Variants in SAG observed in about 807,000 individuals in gnomAD.
The protein encoded by SAG is S-antigen visual arrestin.
Under a neutral mutation model 55.0 loss-of-function variants are expected in SAG, and 45 were observed. The observed-to-expected ratio is 0.82, with a 90% CI of 0.64 to 1.05. The LOEUF (loss-of-function observed/expected upper bound fraction) is 1.05. SAG is among the 50% of genes least tolerant of loss of function. The pLI, the probability that SAG is intolerant of heterozygous loss-of-function variation, is 0.00. For synonymous variants in SAG, 189 were observed against 197.4 expected (o/e 0.96, Z 0.36); for missense variants, 455 against 512.1 (o/e 0.89, Z 1.08).
chr2:233,323,006 GT>G lies in SAG; in HGVS notation c.435+3del. On this transcript the variant is annotated splice_donor_variant, in intron 6 of 15. Transcript: ENST00000409110. LOFTEE classifies it high-confidence loss of function. Reference sequence around the variant, plus strand: ...GCCAGCTCCACAAGATTCAGGGAAGGTTAGTTCAAGAAGAAATGCCATGGTT... The same window carrying G: ...GCCAGCTCCACAAGATTCAGGGAAGGTAGTTCAAGAAGAAATGCCATGGTT... 2 of 1,553,202 alleles carry G rather than the reference GT, an allele frequency of 1.3e-6. No homozygotes were observed. Among genetic ancestry groups the G allele is most frequent in the Non-Finnish European group, 8.8e-7 (1 of 1,138,762 alleles).
At position 233,340,685 on chromosome 2, in the gene SAG, G is replaced by T. The variant is rs1036734; in HGVS notation, c.1046+207G>T. On this transcript the variant is annotated intron_variant, in intron 13 of 15. Transcript: ENST00000409110. This position sits in a 1 kb window ranked among gnomAD's most constrained non-coding sequence, Gnocchi z 4.2. ...CCAGATTTCTTTGGGACCACAGCTAGACCTATGCCTGGGTAAGGACACACA... is the reference window on the plus strand; with the variant it reads ...CCAGATTTCTTTGGGACCACAGCTATACCTATGCCTGGGTAAGGACACACA... 6.6e-6 allele frequency among the ~76,000 whole-genome samples: 1 copy of T among 152,150 alleles called. No individual in the cohort carries two copies. Among genetic ancestry groups the T allele is most frequent in the African/African-American group, 2.4e-5 (1 of 41,414 alleles).
At position 233,321,787 on chromosome 2, in the gene SAG, T is replaced by C. The variant is rs575428489; in HGVS notation, c.375+964T>C. ...GATGTTATTCTATGTTTATCACAACTGTTTTACAAAATCACATTTACAAAA... is the reference window on the plus strand; with the variant it reads ...GATGTTATTCTATGTTTATCACAACCGTTTTACAAAATCACATTTACAAAA... On this transcript the variant is annotated intron_variant, in intron 5 of 15. Coordinates refer to ENST00000409110, the MANE Select transcript of SAG (RefSeq NM_000541.5). Among the ~76,000 whole-genome samples the C allele has an allele frequency of 2.0e-5, 3 of 152,324 alleles. No homozygotes were observed. In the South Asian group the frequency reaches 6.2e-4, roughly 32 times the overall value.
chr2:233,329,089 C>T (rs1700664741), intron 8 of SAG: 1 of 236,358 alleles, frequency 4.2e-6, no homozygotes, highest in African/African-American at 2.3e-5. Context: ...CCAAGGCTGG[C>T]TCTGGTTCCT....
At chr2:233,311,306 G>A (rs80271431) in intron 2 of SAG, among the ~76,000 whole-genome samples, 4,975 of 152,198 alleles carry the variant, frequency 0.033, 108 homozygotes, top group African/African-American at 0.045. Context: ...TGCTCCTGGC[G>A]TCTCACCCAC....
rs537976945 is a variant in SAG, at chr2:233,328,054, C to T, written c.513-424C>T. Reference sequence around the variant, plus strand: ...TAAACAAGATTTCCGCCTGGCCCTTCGCACTGTCTCCTTGTGCCCCATGTA... The same window carrying T: ...TAAACAAGATTTCCGCCTGGCCCTTTGCACTGTCTCCTTGTGCCCCATGTA... On this transcript the variant is annotated intron_variant, in intron 7 of 15. Coordinates refer to ENST00000409110, the MANE Select transcript of SAG (RefSeq NM_000541.5). 47 of 158,220 alleles carry T rather than the reference C, an allele frequency of 3.0e-4. No homozygotes were observed. The South Asian group carries it at 9.0e-3, about 30-fold the overall frequency. The allele number at this position is 158,220 out of a possible 1,614,324, so 9.8% of individuals were successfully genotyped here.
intron 11 of SAG, chr2:233,338,395 G>A: frequency 2.6e-6 from 1 of 390,906 alleles, no homozygotes; most frequent in South Asian, 3.9e-5. Context: ...ATGACCGGGG[G>A]ATGTGCATCT....
At chr2:233,321,608 G>A (rs1700382107) in intron 5 of SAG, among the ~76,000 whole-genome samples, 1 of 152,242 alleles carries the variant, frequency 6.6e-6, no homozygotes, top group South Asian at 2.1e-4. Context: ...CTGGGGGGTT[G>A]GAGGATGGGG....
At position 233,316,060 on chromosome 2, in the gene SAG, C is replaced by A. The variant is rs1301841921; in HGVS notation, c.76-15C>A. The stretch of plus-strand genomic sequence containing the variant: ...CATTCTTTGGCCCTTAGACCCACAC[C>A]TGTTCTTCTTGCAGGTGACCATCTA... On this transcript the variant is annotated splice_polypyrimidine_tract_variant and intron_variant, in intron 2 of 15. Coordinates refer to ENST00000409110, the MANE Select transcript of SAG (RefSeq NM_000541.5). 6.5e-7 allele frequency: 1 copy of A among 1,548,748 alleles called. No individual in the cohort carries two copies. Among genetic ancestry groups the A allele is most frequent in the Non-Finnish European group, 8.8e-7 (1 of 1,130,200 alleles).
At chr2:233,325,990 T>C (rs1700542125) in intron 6 of SAG, among the ~76,000 whole-genome samples, 1 of 151,764 alleles carries the variant, frequency 6.6e-6, no homozygotes, top group African/African-American at 2.4e-5. Flanking sequence ...AATAAATCCG[T>C]GCCTCATATG....
intron 2 of SAG, among the ~76,000 whole-genome samples, chr2:233,314,819 G>A (rs1275122038): frequency 6.6e-6 from 1 of 152,202 alleles, no homozygotes; most frequent in African/African-American, 2.4e-5. Flanking sequence ...TGAAAGGGGA[G>A]CGTATAGGAG....
At chr2:233,315,582 C>A (rs1266123063) in intron 2 of SAG, among the ~76,000 whole-genome samples, 1 of 151,572 alleles carries the variant, frequency 6.6e-6, no homozygotes, top group East Asian at 1.9e-4. Context: ...GGTGAGCCAC[C>A]ACACCCAGCC....
intron 11 of SAG, chr2:233,338,461 G>A: frequency 3.4e-6 from 2 of 579,714 alleles, no homozygotes; most frequent in South Asian, 2.1e-5. Flanking sequence ...GGAACTTCTA[G>A]AGGAGAAGAC....
rs1701055666 is a variant in SAG at position 233,340,199 on chromosome 2, C to T, written c.1023-256C>T. 6.6e-6 allele frequency among the ~76,000 whole-genome samples: 1 copy of T among 151,614 alleles called. No individual in the cohort carries two copies. The highest frequency in any genetic ancestry group is 1.5e-5 in the Non-Finnish European group (1 of 67,898). Reference sequence around the variant, plus strand: ...CTGGAACTCATGACCTCAAGTGATCCGCCCACCTCGGCCTCCCAAAGTGCT... The same window carrying T: ...CTGGAACTCATGACCTCAAGTGATCTGCCCACCTCGGCCTCCCAAAGTGCT... On this transcript the variant is annotated intron_variant, in intron 12 of 15. Coordinates refer to ENST00000409110, the MANE Select transcript of SAG (RefSeq NM_000541.5). This position sits in a 1 kb window ranked among gnomAD's most constrained non-coding sequence, Gnocchi z 4.2.
chr2:233,337,991 T>C (rs1440458526), intron 11 of SAG, among the ~76,000 whole-genome samples: 1 of 152,198 alleles, frequency 6.6e-6, no homozygotes, highest in Non-Finnish European at 1.5e-5. Flanking sequence ...CATTGCACTG[T>C]CTTTGGGGCA....
In SAG at chr2:233,319,907, G is replaced by A. The variant is rs537717126; in HGVS notation, c.182-723G>A. On this transcript the variant is annotated intron_variant, in intron 4 of 15. Coordinates refer to ENST00000409110, the MANE Select transcript of SAG (RefSeq NM_000541.5). The surrounding 1 kb of genome is among the most constrained non-coding windows in gnomAD (Gnocchi z 4.4). ...AAAATTCTCAACCAACAGCTACCAC[G>A]CACTTGGCGGGGCCGCCTCTCGTGC... 1.8e-4 allele frequency: 181 copies of A among 985,636 alleles called. No homozygotes were observed. The African/African-American group carries it at 2.7e-3, about 15-fold the overall frequency. 61.1% of individuals were successfully genotyped at this position (985,636 alleles called of 1,614,324 possible).
intron 11 of SAG, among the ~76,000 whole-genome samples, chr2:233,337,055 C>T (rs1700955831): frequency 6.6e-6 from 1 of 151,526 alleles, no homozygotes; most frequent in Admixed American, 6.6e-5. Context: ...ATGATCATGC[C>T]ATTGCATTCC....
chr2:233,338,600 G>A (rs558922217), intron 11 of SAG, 76 bp from the exon 12 acceptor site: 104 of 1,306,480 alleles, frequency 8.0e-5, no homozygotes, highest in Non-Finnish European at 9.5e-5. Flanking sequence ...TGCCTGCCTC[G>A]AATGGAAAGG....
intron 5 of SAG, among the ~76,000 whole-genome samples, chr2:233,321,362 G>C (rs1418083827): frequency 1.3e-5 from 2 of 152,156 alleles, no homozygotes; most frequent in Non-Finnish European, 2.9e-5. Context: ...GCTACCATCT[G>C]CTTTACGAGC....
At chr2:233,316,436 C>G (rs1700218898) in intron 3 of SAG, among the ~76,000 whole-genome samples, 1 of 152,044 alleles carries the variant, frequency 6.6e-6, no homozygotes, top group African/African-American at 2.4e-5. Flanking sequence ...CTCAGCCTCC[C>G]AAATAGCTGG....
Sources: allele counts gnomAD v4.1 joint callset (sites outside exome capture counted in the v4.1 genomes callset), GRCh38; gene constraint gnomAD v4.1.1; non-coding constraint Gnocchi (gnomAD v3.1); transcripts MANE v1.5; gene names NCBI Gene and HGNC (gene_info 2026-07-23, HGNC 2026-07-21).